Variants in PCDHA12 observed in about 807,000 individuals in gnomAD.
The protein encoded by PCDHA12 is protocadherin alpha-12.
Under a neutral mutation model 60.0 loss-of-function variants are expected in PCDHA12, and 44 were observed. The ratio of observed to expected loss-of-function variants is 0.73; its 90% CI spans 0.58 to 0.94. The LOEUF (loss-of-function observed/expected upper bound fraction) is 0.94. Among genes scored for constraint, PCDHA12 ranks in the 40% least tolerant of loss-of-function variants. The probability of loss-of-function intolerance (pLI) is 0.00; values close to 1 mark genes in which losing one functional copy is unlikely to be tolerated. For missense variants in PCDHA12, 1,276 were observed against 1,239.7 expected, an observed-to-expected ratio of 1.03 and a Z score of -0.44; for synonymous variants, 569 against 553.0, an observed-to-expected ratio of 1.03 and a Z score of -0.40.
chr5:140,901,549 A>T (rs1554189886), intron 1 of PCDHA12, among the ~76,000 whole-genome samples: 1 of 152,052 alleles, frequency 6.6e-6, no homozygotes, highest in Non-Finnish European at 1.5e-5. Context: ...ATTCTGTTCC[A>T]TTCATCTATG....
At chr5:140,991,984 C>T (rs1393451773) in intron 3 of PCDHA12, among the ~76,000 whole-genome samples, 1 of 151,632 alleles carries the variant, frequency 6.6e-6, no homozygotes, top group Non-Finnish European at 1.5e-5. Context: ...TTCTGCCTAC[C>T]ACCCGGTCTT....
intron 1 of PCDHA12, 167 bp from the exon 2 acceptor site, chr5:140,978,782 A>T (rs782295456): frequency 3.1e-5 from 30 of 971,664 alleles, no homozygotes; most frequent in Non-Finnish European, 3.7e-5. Context: ...TTTTCTTCTA[A>T]AGTGCTATAT....
chr5:140,978,103 A>T (rs2096789005), intron 1 of PCDHA12, among the ~76,000 whole-genome samples: 1 of 152,106 alleles, frequency 6.6e-6, no homozygotes, highest in South Asian at 2.1e-4. Context: ...AACTCCCCCA[A>T]CAGTCTTTAA....
intron 1 of PCDHA12, chr5:140,968,530 A>G (rs1554230830): frequency 6.2e-7 from 1 of 1,614,174 alleles, no homozygotes; most frequent in East Asian, 2.2e-5. Context: ...CCAACTCGTC[A>G]GCAGCCTTCG....
intron 1 of PCDHA12, among the ~76,000 whole-genome samples, chr5:140,913,410 C>A (rs375204256): frequency 6.6e-6 from 1 of 152,040 alleles, no homozygotes; most frequent in Non-Finnish European, 1.5e-5. Flanking sequence ...CCTTTGAATT[C>A]CTGCAGTATC....
chr5:140,972,295 G>A (rs551210883), intron 1 of PCDHA12, among the ~76,000 whole-genome samples: 2 of 151,388 alleles, frequency 1.3e-5, no homozygotes, highest in South Asian at 2.1e-4. Context: ...GTGCGCCACC[G>A]TGTCTGACTA....
At chr5:140,983,865 GC>G (rs2097073239) in intron 3 of PCDHA12, among the ~76,000 whole-genome samples, 1 of 152,120 alleles carries the variant, frequency 6.6e-6, no homozygotes, top group Admixed American at 6.5e-5. Context: ...GCAGCTAAGG[GC>G]CCATTTTTAC....
chr5:140,969,630 A>G (rs1185557414), intron 1 of PCDHA12: 1 of 654,766 alleles, frequency 1.5e-6, no homozygotes, highest in Non-Finnish European at 2.5e-6. Flanking sequence ...GAAACAGGAC[A>G]GGCCTTGGAA....
intron 1 of PCDHA12, among the ~76,000 whole-genome samples, chr5:140,932,235 G>A (rs372410374): frequency 4.0e-5 from 6 of 151,638 alleles, no homozygotes; most frequent in African/African-American, 1.5e-4. Context: ...TTTTAGAATG[G>A]TATCTAAGAG....
At chr5:140,927,590 T>C (rs782100491) in intron 1 of PCDHA12, 21 of 1,614,058 alleles carry the variant, frequency 1.3e-5, no homozygotes, top group Non-Finnish European at 1.4e-5. Flanking sequence ...GCGCCTGTAT[T>C]TGAGCGCTCC....
At chr5:140,879,180 G>C (rs1459369751) in intron 1 of PCDHA12, among the ~76,000 whole-genome samples, 14 of 152,206 alleles carry the variant, frequency 9.2e-5, no homozygotes, top group African/African-American at 3.4e-4. Context: ...TAGGTATCAA[G>C]TAATGGAGAC....
At chr5:140,926,789 G>A in intron 1 of PCDHA12, 1 of 1,432,318 alleles carries the variant, frequency 7.0e-7, no homozygotes, top group East Asian at 2.5e-5. Flanking sequence ...CGGCCGGCAG[G>A]AGCGTGCTCT....
At chr5:140,956,156 T>C (rs1467785699) in intron 1 of PCDHA12, among the ~76,000 whole-genome samples, 1 of 152,204 alleles carries the variant, frequency 6.6e-6, no homozygotes, top group Non-Finnish European at 1.5e-5. Flanking sequence ...TCTTTCCTAA[T>C]TGCCATAGCC....
At position 140,903,272 on chromosome 5, in the gene PCDHA12, G is replaced by A. The variant is rs907509606; in HGVS notation, c.2367+25433G>A. Among the ~76,000 whole-genome samples the A allele has an allele frequency of 2.6e-5, 4 of 152,138 alleles. No individual in the cohort carries two copies. The East Asian group carries it at 5.8e-4, about 22-fold the overall frequency. ...TAGTAATTCTTGCAGGAGTGAGGTA[G>A]TGTCTCATTGTGCATTAGGAAATTT... On this transcript the variant is annotated intron_variant, in intron 1 of 3. Transcript: ENST00000398631.
chr5:140,925,082 AAAGGAAGGAAGG>A (rs138596875), intron 1 of PCDHA12, among the ~76,000 whole-genome samples: 78 of 147,388 alleles, frequency 5.3e-4, no homozygotes, highest in African/African-American at 1.8e-3. Context: ...GCTCATCTGG[AAAGGAAGGAAGG>A]AAGGAAGGAA....
intron 3 of PCDHA12, among the ~76,000 whole-genome samples, chr5:140,993,365 A>G (rs1207264244): frequency 1.3e-5 from 2 of 151,422 alleles, no homozygotes; most frequent in Admixed American, 6.6e-5. Flanking sequence ...CACAAAAACT[A>G]CCTCCCAGCC....
intron 1 of PCDHA12, among the ~76,000 whole-genome samples, chr5:140,965,456 G>A (rs2095902676): frequency 6.6e-6 from 1 of 151,710 alleles, no homozygotes; most frequent in Admixed American, 6.6e-5. Context: ...GTTATTGTAA[G>A]ATAAATCCCA....
At chr5:140,972,101 A>C (rs114554334) in intron 1 of PCDHA12, among the ~76,000 whole-genome samples, 3,080 of 152,290 alleles carry the variant, frequency 0.02, 42 homozygotes, top group Middle Eastern at 0.075. Flanking sequence ...CTGGCATAGA[A>C]GCAGGTAACA....
At chr5:140,945,527 C>A (rs1268496424) in intron 1 of PCDHA12, among the ~76,000 whole-genome samples, 2 of 151,828 alleles carry the variant, frequency 1.3e-5, no homozygotes, top group African/African-American at 4.8e-5. Context: ...ATAAATAAAA[C>A]AAAACATACA....
Sources: allele counts gnomAD v4.1 joint callset (sites outside exome capture counted in the v4.1 genomes callset), GRCh38; gene constraint gnomAD v4.1.1; transcripts MANE v1.5; gene names NCBI Gene and HGNC (gene_info 2026-07-23, HGNC 2026-07-21).